The following KIT variants were observed in gnomAD, a reference collection of about 807,000 sequenced individuals.
KIT encodes KIT proto-oncogene, receptor tyrosine kinase, also known as mast/stem cell growth factor receptor Kit.
Under a neutral mutation model 105.7 loss-of-function variants are expected in KIT, and 16 were observed. The observed-to-expected ratio is 0.15, with a 90% confidence interval of 0.10 to 0.23. The LOEUF is 0.23. Among genes scored for constraint, KIT ranks in the 10% least tolerant of loss-of-function variants. The probability of loss-of-function intolerance (pLI) is 1.00; values close to 1 mark genes in which losing one functional copy is unlikely to be tolerated. For synonymous variants in KIT, 438 were observed against 441.1 expected, an observed-to-expected ratio of 0.99 and a Z score of 0.09; for missense variants, 858 against 1,213.8, an observed-to-expected ratio of 0.71 and a Z score of 4.36.
Position 54,685,187 on chromosome 4 carries a change from C to T in KIT, c.68-10325C>T, listed in dbSNP as rs150408073. 4.9e-3 allele frequency among the ~76,000 whole-genome samples: 739 copies of T among 152,272 alleles called. 4 individuals carry two copies. The highest frequency in any genetic ancestry group is 7.5e-3 in the Non-Finnish European group (509 of 68,022). On this transcript the variant is annotated intron_variant, in intron 1 of 20. Transcript: ENST00000288135. Reference sequence around the variant, plus strand: ...GCCCCTCTGTTCTTTGTAGTCTCCACTCCCTCCCTGGGGGATTTCATGGAC... The same window carrying T: ...GCCCCTCTGTTCTTTGTAGTCTCCATTCCCTCCCTGGGGGATTTCATGGAC...
At chr4:54,663,304 C>T (rs1440517633) in intron 1 of KIT, among the ~76,000 whole-genome samples, 1 of 152,154 alleles carries the variant, frequency 6.6e-6, no homozygotes, top group Non-Finnish European at 1.5e-5. Context: ...AGACACTTAA[C>T]CTCTCCTTAA....
At chr4:54,676,797 C>T (rs933289245) in intron 1 of KIT, among the ~76,000 whole-genome samples, 2 of 152,104 alleles carry the variant, frequency 1.3e-5, no homozygotes, top group African/African-American at 4.8e-5. Flanking sequence ...CGCTGCACCC[C>T]CAAAGGTGTC....
intron 14 of KIT, among the ~76,000 whole-genome samples, chr4:54,730,292 T>G (rs1268425636): frequency 6.6e-6 from 1 of 152,136 alleles, no homozygotes; most frequent in East Asian, 1.9e-4. Context: ...GTGTGGTAGA[T>G]TTCTCCTATC....
intron 7 of KIT, among the ~76,000 whole-genome samples, chr4:54,721,156 C>T (rs898712727): frequency 5.9e-5 from 9 of 152,150 alleles, no homozygotes; most frequent in African/African-American, 1.2e-4. Context: ...TCGAGAACAT[C>T]GAGTCTGATG....
In KIT at chr4:54,726,781, G is replaced by GT. The variant is rs60561404; in HGVS notation, c.1541-423dup. On this transcript the variant is annotated intron_variant, in intron 9 of 20. Coordinates refer to ENST00000288135, the MANE Select transcript of KIT (RefSeq NM_000222.3). The stretch of plus-strand genomic sequence containing the variant: ...GCAACGAAAAGAATACCTTAAAAAT[G>GT]TTTTTTTTTTTTTTGGTTGTGAAAG... Among the ~76,000 whole-genome samples, 702 of 137,378 alleles carry GT rather than the reference G, an allele frequency of 5.1e-3. 4 individuals carry two copies. Among genetic ancestry groups the GT allele is most frequent in the East Asian group, 0.01 (47 of 4,548 alleles). 90.1% of individuals were successfully genotyped at this position (137,378 alleles called of 152,430 possible). A position where few individuals can be genotyped will look rare whatever the true frequency, so the allele number is the denominator to read the frequency against.
intron 1 of KIT, among the ~76,000 whole-genome samples, chr4:54,687,218 A>C (rs1021029503): frequency 6.6e-6 from 1 of 152,162 alleles, no homozygotes. Flanking sequence ...CGGGTGGATT[A>C]CCTGAGGTCA....
rs2109786816 is a variant in KIT, at chr4:54,729,445, G to A, written c.2101G>A (p.Ala701Thr). The change falls in exon 14 of 21, where the codon GCA becomes ACA. Residue 701 changes from alanine (A) to threonine (T), a missense_variant. Coordinates refer to ENST00000288135, the MANE Select transcript of KIT (RefSeq NM_000222.3). Reference sequence around the variant, plus strand: ...AAAGCAGGAAGATCATGCAGAAGCTGCACTTTATAAGAATCTTCTGCATTC... The same window carrying A: ...AAAGCAGGAAGATCATGCAGAAGCTACACTTTATAAGAATCTTCTGCATTC... The part of the protein sequence containing the change: ...CSKQEDHAEA[A>T]LYKNLLHSKE... 1 of 1,613,670 alleles carries A rather than the reference G, an allele frequency of 6.2e-7. No individual in the cohort carries two copies. The highest frequency in any genetic ancestry group is 1.1e-5 in the South Asian group (1 of 91,076).
At chr4:54,679,117 T>C (rs1718722929) in intron 1 of KIT, among the ~76,000 whole-genome samples, 2 of 152,192 alleles carry the variant, frequency 1.3e-5, no homozygotes, top group Admixed American at 1.3e-4. Flanking sequence ...TGTGAGCTGC[T>C]CACTTGTGAG....
chr4:54,708,988 C>T (rs2237017), intron 6 of KIT, among the ~76,000 whole-genome samples: 57,244 of 152,086 alleles, frequency 0.38, 12,135 homozygotes, highest in Non-Finnish European at 0.49. Flanking sequence ...GTGTGGACCT[C>T]GCTGAGGGCC....
chr4:54,665,886 G>A (rs1577910551), intron 1 of KIT, among the ~76,000 whole-genome samples: 1 of 152,230 alleles, frequency 6.6e-6, no homozygotes, highest in East Asian at 1.9e-4. Flanking sequence ...CGGTAGCATT[G>A]GGGATTATAA....
At chr4:54,710,587 C>G (rs1033172261) in intron 7 of KIT, among the ~76,000 whole-genome samples, 2 of 94,348 alleles carry the variant, frequency 2.1e-5, no homozygotes, top group Non-Finnish European at 4.3e-5. Flanking sequence ...CACTCTCTCT[C>G]CCTGTCTGGA....
intron 3 of KIT, 111 bp downstream of exon 3, chr4:54,698,676 A>G (rs1434035144): frequency 5.0e-6 from 6 of 1,203,464 alleles, no homozygotes; most frequent in African/African-American, 1.5e-5. Flanking sequence ...CTAGCTGTTC[A>G]TAGTTCCCCC....
chr4:54,736,808 C>T lies in KIT; in HGVS notation c.2684C>T (p.Ala895Val), dbSNP rs1207797666. The T allele has an allele frequency of 1.2e-6, 2 of 1,613,834 alleles. No individual in the cohort carries two copies. The highest frequency in any genetic ancestry group is 8.5e-7 in the Non-Finnish European group (1 of 1,179,844). The part of the protein sequence containing the change: ...EGFRMLSPEH[A>V]PAEMYDIMKT... ...TTCCGGATGCTCAGCCCTGAACACG[C>T]ACCTGCTGAAATGTAAGAGCCAAAA... Residue 895 changes from alanine to valine, a missense_variant, in exon 19 of 21, where the codon GCA becomes GTA. Coordinates refer to ENST00000288135, the MANE Select transcript of KIT (RefSeq NM_000222.3).
chr4:54,703,693 A>G, intron 4 of KIT, 31 bp from the exon 5 acceptor site: 1 of 1,560,128 alleles, frequency 6.4e-7, no homozygotes, highest in South Asian at 1.1e-5. Flanking sequence ...GGTAATCTTC[A>G]TTTTTTTTTC....
chr4:54,683,974 C>A (rs1719126476), intron 1 of KIT, among the ~76,000 whole-genome samples: 1 of 152,142 alleles, frequency 6.6e-6, no homozygotes, highest in African/African-American at 2.4e-5. Context: ...AAATAAAAGA[C>A]AGAAAAGCAG....
chr4:54,670,883 A>G (rs971734768), intron 1 of KIT, among the ~76,000 whole-genome samples: 4 of 152,174 alleles, frequency 2.6e-5, no homozygotes, highest in African/African-American at 2.4e-5. Flanking sequence ...TTTGTGTCCA[A>G]TCACTTTTCT....
At chr4:54,714,284 T>A (rs909758307) in intron 7 of KIT, among the ~76,000 whole-genome samples, 1 of 152,170 alleles carries the variant, frequency 6.6e-6, no homozygotes, top group Non-Finnish European at 1.5e-5. Flanking sequence ...AAAAATGACA[T>A]TGCCAAGATG....
chr4:54,713,942 G>T (rs1721310050), intron 7 of KIT, among the ~76,000 whole-genome samples: 1 of 152,068 alleles, frequency 6.6e-6, no homozygotes, highest in Non-Finnish European at 1.5e-5. Context: ...GTTTATAATG[G>T]CCAAGAGCCA....
chr4:54,721,503 A>G (rs1344157763), intron 7 of KIT, among the ~76,000 whole-genome samples: 2 of 152,240 alleles, frequency 1.3e-5, no homozygotes, highest in Non-Finnish European at 2.9e-5. Context: ...CATTGGATCC[A>G]AACTCTCAAG....
Sources: allele counts gnomAD v4.1 joint callset (sites outside exome capture counted in the v4.1 genomes callset), GRCh38; gene constraint gnomAD v4.1.1; transcripts MANE v1.5; gene names NCBI Gene and HGNC (gene_info 2026-07-23, HGNC 2026-07-21).